Variants in IP6K1 observed in about 807,000 individuals in gnomAD.
IP6K1 encodes the protein inositol hexakisphosphate kinase 1, also known as ATP:1D-myo-inositol-hexakisphosphate phosphotransferase.
In IP6K1, 13 loss-of-function variants were observed where a neutral mutation model predicts 38.3. The observed-to-expected ratio is 0.34, with a 90% confidence interval of 0.22 to 0.54. IP6K1 has a LOEUF of 0.54. Among genes scored for constraint, IP6K1 ranks in the 20% least tolerant of loss-of-function variants. The pLI is 0.92. For synonymous variants in IP6K1, 212 were observed against 229.9 expected, an observed-to-expected ratio of 0.92 and a Z score of 0.70; for missense variants, 397 against 599.8, an observed-to-expected ratio of 0.66 and a Z score of 3.53.
chr3:49,784,453 TGA>T (rs2081093652), intron 1 of IP6K1, among the ~76,000 whole-genome samples: 2 of 151,948 alleles, frequency 1.3e-5, no homozygotes, highest in Non-Finnish European at 2.9e-5. Flanking sequence ...GAGATCAGCC[TGA>T]ACAACATGGT....
intron 4 of IP6K1, among the ~76,000 whole-genome samples, chr3:49,730,970 A>G (rs969148148): frequency 6.6e-6 from 1 of 151,946 alleles, no homozygotes; most frequent in Non-Finnish European, 1.5e-5. Context: ...CGGCCTCCCA[A>G]AGTGCTGGGA....
chr3:49,754,633 C>T (rs893618163), intron 1 of IP6K1, among the ~76,000 whole-genome samples: 1 of 152,014 alleles, frequency 6.6e-6, no homozygotes, highest in African/African-American at 2.4e-5. Context: ...TGCAACAACA[C>T]ATCAAGCCTA....
chr3:49,779,127 A>G (rs949523693), intron 1 of IP6K1, among the ~76,000 whole-genome samples: 8 of 152,172 alleles, frequency 5.3e-5, no homozygotes, highest in Non-Finnish European at 1.0e-4. Context: ...CTTTTTCCCT[A>G]TCCCCTACAA....
rs780764632 is a variant in IP6K1 at position 49,727,394 on chromosome 3, G to A, written c.1054C>T (p.Arg352Cys). 2.0e-5 allele frequency: 33 copies of A among 1,613,898 alleles called. 2 individuals carry two copies. The highest frequency in any genetic ancestry group is 1.5e-4 in the South Asian group (14 of 91,080). ...TGCTTGAGACGCATCTCAGACCGGC[G>A]GTCCAGGCAGGACTCAGCCCGGCAC... ...KECRAESCLDRRSEMRLKHLD... is the reference protein window; with the variant it reads ...KECRAESCLDCRSEMRLKHLD... The change falls in exon 6 of 6, where the codon CGC becomes TGC. Residue 352 changes from arginine to cysteine, a missense_variant. Physicochemically the swap from Arg to Cys is radical, Grantham distance 180 (BLOSUM62 -3). Around this residue, in one of 3 missense-constraint regions of IP6K1, gnomAD observed 164 missense variants for 213.5 expected, o/e 0.77. Coordinates refer to ENST00000321599, the MANE Select transcript of IP6K1 (RefSeq NM_153273.4). This position sits in a 1 kb window ranked among gnomAD's most constrained non-coding sequence, Gnocchi z 5.9.
chr3:49,758,314 CA>C (rs11359274), intron 1 of IP6K1, among the ~76,000 whole-genome samples: 1,395 of 54,362 alleles, frequency 0.026, 15 homozygotes, highest in African/African-American at 0.097. Context: ...GACTCCATCT[CA>C]AAAAAAAAAA....
chr3:49,747,747 C>G (rs2080733866), intron 2 of IP6K1, 71 bp downstream of exon 2: 1 of 1,587,790 alleles, frequency 6.3e-7, no homozygotes. Context: ...GCAAACAAAC[C>G]AAGAAAAAAC....
At chr3:49,737,111 A>G (rs1321958587) in intron 3 of IP6K1, among the ~76,000 whole-genome samples, 1 of 124,368 alleles carries the variant, frequency 8.0e-6, no homozygotes, top group Admixed American at 1.0e-4. Flanking sequence ...GGGTCTCACT[A>G]TGTTGCCCAA....
chr3:49,752,500 A>C (rs1448647117), intron 1 of IP6K1, among the ~76,000 whole-genome samples: 6 of 149,230 alleles, frequency 4.0e-5, no homozygotes, highest in African/African-American at 9.9e-5. Context: ...AAAAAAAAAA[A>C]CCCAAGGAAC....
At chr3:49,768,461 T>C (rs1195974241) in intron 1 of IP6K1, among the ~76,000 whole-genome samples, 1 of 152,180 alleles carries the variant, frequency 6.6e-6, no homozygotes, top group Non-Finnish European at 1.5e-5. Context: ...TATATAATTA[T>C]AATTCCACTT....
intron 1 of IP6K1, among the ~76,000 whole-genome samples, chr3:49,763,118 T>C (rs894702632): frequency 6.6e-6 from 1 of 150,946 alleles, no homozygotes; most frequent in African/African-American, 2.4e-5. Flanking sequence ...TTTTTTTTTT[T>C]TTTGAGACGG....
intron 1 of IP6K1, among the ~76,000 whole-genome samples, chr3:49,778,366 C>T (rs1261131383): frequency 6.7e-6 from 1 of 150,154 alleles, no homozygotes; most frequent in East Asian, 1.9e-4. Flanking sequence ...GGTGTGGTGG[C>T]TCATGCCTGT....
intron 1 of IP6K1, chr3:49,775,505 C>T: frequency 2.4e-6 from 2 of 820,230 alleles, no homozygotes; most frequent in South Asian, 1.9e-5. Flanking sequence ...GTAAGGAGTG[C>T]ACCATCTAGG....
At chr3:49,736,399 G>A (rs1277333548) in intron 3 of IP6K1, among the ~76,000 whole-genome samples, 1 of 152,072 alleles carries the variant, frequency 6.6e-6, no homozygotes, top group Non-Finnish European at 1.5e-5. Flanking sequence ...CTAACAGAAA[G>A]CAACCACTAA....
intron 1 of IP6K1, among the ~76,000 whole-genome samples, chr3:49,754,313 T>C (rs1055879186): frequency 6.6e-6 from 1 of 150,522 alleles, no homozygotes; most frequent in Non-Finnish European, 1.5e-5. Context: ...GAGGTGGAGG[T>C]TGCAATCAGC....
chr3:49,783,789 G>C (rs773061048), intron 1 of IP6K1, among the ~76,000 whole-genome samples: 4 of 151,348 alleles, frequency 2.6e-5, no homozygotes, highest in Non-Finnish European at 5.9e-5. Context: ...CAAGGAACTG[G>C]TCTTACCAAG....
chr3:49,735,642 G>A (rs2080602895), intron 3 of IP6K1, among the ~76,000 whole-genome samples: 2 of 152,156 alleles, frequency 1.3e-5, no homozygotes, highest in Non-Finnish European at 2.9e-5. Flanking sequence ...ATGCAGACTG[G>A]CCAAAGAGGA....
Position 49,738,216 on chromosome 3 carries a change from C to G in IP6K1, c.430G>C (p.Glu144Gln). 6.2e-7 allele frequency: 1 copy of G among 1,612,734 alleles called. No individual in the cohort carries two copies. Among genetic ancestry groups the G allele is most frequent in the Non-Finnish European group, 8.5e-7 (1 of 1,178,700 alleles). The change falls in exon 3 of 6, where the codon GAG (glutamate) becomes CAG (glutamine). Residue 144 changes from glutamate (E) to glutamine (Q), a missense_variant. This residue lies in a region of IP6K1 where 171 missense variants were observed against 237.0 expected (regional missense o/e 0.72). Coordinates refer to ENST00000321599, the MANE Select transcript of IP6K1 (RefSeq NM_153273.4). ...GACGAAACATGTACCTCTTACCTCTCAGAGGTCTCAAGGGACAGGCTGGCT... is the reference window on the plus strand; with the variant it reads ...GACGAAACATGTACCTCTTACCTCTGAGAGGTCTCAAGGGACAGGCTGGCT... The part of the protein sequence containing the change: ...EKASLSLETS[E>Q]SSQEAKSPKV...
chr3:49,786,327 T>C (rs367820202), intron 1 of IP6K1, 27 bp downstream of exon 1: 3 of 152,294 alleles, frequency 2.0e-5, no homozygotes, highest in Admixed American at 1.3e-4. Flanking sequence ...GTCAGGCCGG[T>C]CTATCGGCCC....
chr3:49,728,956 A>ATT lies in IP6K1; in HGVS notation c.617-680_617-679dup, dbSNP rs11433643. On this transcript the variant is annotated intron_variant, in intron 4 of 5. Transcript: ENST00000321599. ...ACAACTAGGACTACAGGCATGCCTA[A>ATT]TTTTTTTTTTTTTTTTAGATGGAGT... Among the ~76,000 whole-genome samples the ATT allele has an allele frequency of 8.9e-3, 1,272 of 143,382 alleles. 9 individuals are homozygous for ATT. The highest frequency in any genetic ancestry group is 0.036 in the Middle Eastern group (10 of 276). The allele number at this position is 143,382 out of a possible 152,430, so 94.1% of individuals were successfully genotyped here.
Sources: allele counts gnomAD v4.1 joint callset (sites outside exome capture counted in the v4.1 genomes callset), GRCh38; gene constraint gnomAD v4.1.1; regional missense constraint gnomAD v4.1.1; non-coding constraint Gnocchi (gnomAD v3.1); transcripts MANE v1.5; gene names NCBI Gene and HGNC (gene_info 2026-07-23, HGNC 2026-07-21).